The following ANGPTL2 variants were observed in gnomAD, a reference collection of about 807,000 sequenced individuals.
ANGPTL2 encodes the protein angiopoietin like 2, also known as angiopoietin-related protein 2.
ANGPTL2 carries 25 observed loss-of-function variants against 52.8 expected under a neutral mutation model. That is an observed-to-expected ratio of 0.47 (90% CI 0.35 to 0.66). ANGPTL2 has a LOEUF of 0.66. Among genes scored for constraint, ANGPTL2 ranks in the 30% least tolerant of loss-of-function variants. The pLI is 0.01. For missense variants in ANGPTL2, 546 were observed against 656.9 expected, an observed-to-expected ratio of 0.83 and a Z score of 1.84; for synonymous variants, 276 against 277.4, an observed-to-expected ratio of 1.00 and a Z score of 0.05.
chr9:127,117,763 C>T (rs930583926), intron 1 of ANGPTL2, among the ~76,000 whole-genome samples: 1 of 152,216 alleles, frequency 6.6e-6, no homozygotes, highest in Non-Finnish European at 1.5e-5. Flanking sequence ...ATTAGAGATT[C>T]GGCAGTAACT....
At chr9:127,098,153 T>C (rs1049490279) in intron 2 of ANGPTL2, among the ~76,000 whole-genome samples, 1 of 152,252 alleles carries the variant, frequency 6.6e-6, no homozygotes, top group Non-Finnish European at 1.5e-5. Flanking sequence ...ATGTTTTCCA[T>C]GTATTTTTAA....
intron 2 of ANGPTL2, among the ~76,000 whole-genome samples, chr9:127,105,830 A>T (rs999092): frequency 6.6e-6 from 1 of 152,048 alleles, no homozygotes; most frequent in Non-Finnish European, 1.5e-5. Context: ...GTCAGGGACC[A>T]CAATTGTCAC....
At chr9:127,094,468 G>A (rs1250877044) in intron 2 of ANGPTL2, among the ~76,000 whole-genome samples, 2 of 152,206 alleles carry the variant, frequency 1.3e-5, no homozygotes, top group African/African-American at 2.4e-5. Context: ...CTGACTCCAC[G>A]TCTGCCCTTC....
At chr9:127,110,706 G>T (rs2137203186) in intron 1 of ANGPTL2, among the ~76,000 whole-genome samples, 1 of 152,228 alleles carries the variant, frequency 6.6e-6, no homozygotes, top group East Asian at 1.9e-4. Context: ...CACTCTGGTT[G>T]CTCAGGCCGA....
chr9:127,096,443 C>G (rs529174275), intron 2 of ANGPTL2, among the ~76,000 whole-genome samples: 1 of 152,202 alleles, frequency 6.6e-6, no homozygotes, highest in African/African-American at 2.4e-5. Context: ...CAGCCTCTTA[C>G]TGCACAGCTG....
At chr9:127,099,658 T>C (rs1332653312) in intron 2 of ANGPTL2, among the ~76,000 whole-genome samples, 1 of 152,222 alleles carries the variant, frequency 6.6e-6, no homozygotes, top group Non-Finnish European at 1.5e-5. Flanking sequence ...TCCAGAGGCT[T>C]GGCAAAATAA....
rs2054497311 is a variant in ANGPTL2, at chr9:127,108,626, T to C, written c.106A>G (p.Arg36Gly). 1.2e-6 allele frequency: 2 copies of C among 1,613,636 alleles called. No homozygotes were observed. The highest frequency in any genetic ancestry group is 1.7e-5 in the Admixed American group (1 of 59,952). Reference protein sequence around the residue: ...GFEGTEEGSPREFIYLNRYKR... With the variant: ...GFEGTEEGSPGEFIYLNRYKR... Reference sequence around the variant, plus strand: ...TACCTGTTTAGGTAAATGAACTCTCTTGGCGAGCCCTCCTCAGTGCCCTCA... The same window carrying C: ...TACCTGTTTAGGTAAATGAACTCTCCTGGCGAGCCCTCCTCAGTGCCCTCA... Residue 36 changes from arginine (R) to glycine (G), a missense_variant, in exon 2 of 5, where the codon AGA (arginine) becomes GGA (glycine). Around this residue, in one of 2 missense-constraint regions of ANGPTL2, gnomAD observed 285 missense variants for 295.8 expected, o/e 0.96. Coordinates refer to ENST00000373425, the MANE Select transcript of ANGPTL2 (RefSeq NM_012098.3).
chr9:127,095,024 C>T (rs533627943), intron 2 of ANGPTL2, among the ~76,000 whole-genome samples: 3 of 152,330 alleles, frequency 2.0e-5, no homozygotes, highest in Non-Finnish European at 4.4e-5. Context: ...TCTGAGGAAG[C>T]TTTAGAAGGT....
chr9:127,099,948 C>G (rs904696579), intron 2 of ANGPTL2, among the ~76,000 whole-genome samples: 1 of 152,060 alleles, frequency 6.6e-6, no homozygotes, highest in Non-Finnish European at 1.5e-5. Flanking sequence ...ATGTTTGAGG[C>G]CTAAAAAGAC....
At chr9:127,090,411 A>G (rs925409424) in intron 4 of ANGPTL2, among the ~76,000 whole-genome samples, 2 of 152,192 alleles carry the variant, frequency 1.3e-5, no homozygotes, top group African/African-American at 4.8e-5. Flanking sequence ...CTGCTTCAGA[A>G]TGAGGGCCTG....
rs111797684 is a variant in ANGPTL2 at position 127,119,081 on chromosome 9, T to C, written c.-50+3234A>G. ...CCCCCACTGAGCTGGGGACAGAGTT[T>C]CCTGGTGCTGATGTGGTGAGACAGT... is the stretch of plus-strand genomic sequence containing the variant. On this transcript the variant is annotated intron_variant, in intron 1 of 4. Coordinates refer to ENST00000373425, the MANE Select transcript of ANGPTL2 (RefSeq NM_012098.3). Among the ~76,000 whole-genome samples the C allele has an allele frequency of 6.0e-3, 921 of 152,260 alleles. 11 individuals are homozygous for C. Among genetic ancestry groups the C allele is most frequent in the African/African-American group, 0.021 (861 of 41,546 alleles).
intron 2 of ANGPTL2, among the ~76,000 whole-genome samples, chr9:127,096,222 A>T (rs2053118667): frequency 6.6e-6 from 1 of 152,106 alleles, no homozygotes; most frequent in East Asian, 1.9e-4. Context: ...GAAGGAGAAA[A>T]AGGTTTTGGT....
At chr9:127,093,463 G>A (rs531185076) in intron 3 of ANGPTL2, among the ~76,000 whole-genome samples, 1 of 152,282 alleles carries the variant, frequency 6.6e-6, no homozygotes, top group African/African-American at 2.4e-5. Flanking sequence ...TGTCCTGTGG[G>A]GCTGTGGTGG....
Position 127,088,858 on chromosome 9 carries a change from G to T in ANGPTL2, c.*81C>A. On this transcript the variant is annotated 3_prime_UTR_variant, in exon 5 of 5. Transcript: ENST00000373425. ...CCCAGCCTCAGGATGAACTGGTGAG[G>T]AGTTGTTCTTTGTGCTGTGGCCAGC... is the stretch of plus-strand genomic sequence containing the variant. 6.6e-7 allele frequency: 1 copy of T among 1,517,460 alleles called. No homozygotes were observed. The highest frequency in any genetic ancestry group is 9.1e-7 in the Non-Finnish European group (1 of 1,095,912). 94.0% of individuals were successfully genotyped at this position (1,517,460 alleles called of 1,614,324 possible).
At position 127,087,561 on chromosome 9, in the gene ANGPTL2, C is replaced by T. The variant is rs2051912015; in HGVS notation, c.*1378G>A. Reference sequence around the variant, plus strand: ...CCCACGTGCCCACCGGGAAGGGTCTCACCTTCTTGACTCATCCCTTGCCCC... The same window carrying T: ...CCCACGTGCCCACCGGGAAGGGTCTTACCTTCTTGACTCATCCCTTGCCCC... On this transcript the variant is annotated 3_prime_UTR_variant, in exon 5 of 5. Transcript: ENST00000373425. The T allele has an allele frequency of 6.6e-6, 1 of 152,652 alleles. No individual in the cohort carries two copies. Among genetic ancestry groups the T allele is most frequent in the Admixed American group, 6.5e-5 (1 of 15,284 alleles). The allele number at this position is 152,652 out of a possible 1,614,324, so 9.5% of individuals were successfully genotyped here.
At chr9:127,105,855 C>G (rs1185490117) in intron 2 of ANGPTL2, among the ~76,000 whole-genome samples, 2 of 152,226 alleles carry the variant, frequency 1.3e-5, no homozygotes, top group Non-Finnish European at 2.9e-5. Flanking sequence ...TTCCCCAAGT[C>G]TAGTGCTGCG....
At chr9:127,094,725 T>G (rs1209883074) in intron 2 of ANGPTL2, among the ~76,000 whole-genome samples, 1 of 152,230 alleles carries the variant, frequency 6.6e-6, no homozygotes, top group Admixed American at 6.5e-5. Flanking sequence ...GAGGTCCTCC[T>G]TGCAGGCTCA....
At chr9:127,093,430 C>T (rs569253767) in intron 3 of ANGPTL2, among the ~76,000 whole-genome samples, 25 of 152,164 alleles carry the variant, frequency 1.6e-4, no homozygotes, top group African/African-American at 2.7e-4. Context: ...GGCCCCCATA[C>T]CAGCGTTTCT....
chr9:127,120,470 A>C (rs1471701603), intron 1 of ANGPTL2, among the ~76,000 whole-genome samples: 4 of 152,166 alleles, frequency 2.6e-5, no homozygotes, highest in African/African-American at 9.7e-5. Context: ...CCACAGTATT[A>C]TCTCTGTCTC....
Sources: allele counts gnomAD v4.1 joint callset (sites outside exome capture counted in the v4.1 genomes callset), GRCh38; gene constraint gnomAD v4.1.1; regional missense constraint gnomAD v4.1.1; transcripts MANE v1.5; gene names NCBI Gene and HGNC (gene_info 2026-07-23, HGNC 2026-07-21).